Variants in PCSK2 observed in about 807,000 individuals in gnomAD.
The protein encoded by PCSK2 is proprotein convertase subtilisin/kexin type 2.
PCSK2 carries 14 observed loss-of-function variants against 69.7 expected under a neutral mutation model. The ratio of observed to expected loss-of-function variants is 0.20; its 90% CI spans 0.13 to 0.31. PCSK2 has a LOEUF of 0.31. PCSK2 is among the 10% of genes least tolerant of loss of function. PCSK2 has a pLI of 1.00. For synonymous variants in PCSK2, 307 were observed against 320.7 expected (o/e 0.96, Z 0.46); for missense variants, 544 against 842.5 (o/e 0.65, Z 4.39).
chr20:17,264,768 T>C (rs1987527487), intron 2 of PCSK2, among the ~76,000 whole-genome samples: 1 of 152,186 alleles, frequency 6.6e-6, no homozygotes, highest in Non-Finnish European at 1.5e-5. Flanking sequence ...CTTTCAATTA[T>C]AGTAGTTAAT....
At chr20:17,248,120 C>T (rs1470196603) in intron 1 of PCSK2, among the ~76,000 whole-genome samples, 1 of 151,346 alleles carries the variant, frequency 6.6e-6, no homozygotes, top group Non-Finnish European at 1.5e-5. Flanking sequence ...TTTCTCCTTC[C>T]TTCTGGAACC....
chr20:17,409,589 G>T (rs1273779919), intron 6 of PCSK2, among the ~76,000 whole-genome samples: 1 of 152,168 alleles, frequency 6.6e-6, no homozygotes, highest in African/African-American at 2.4e-5. Flanking sequence ...CCATTAAAGA[G>T]AAAAGAAAAT....
chr20:17,372,898 T>C (rs2030814005), intron 5 of PCSK2, among the ~76,000 whole-genome samples: 1 of 152,198 alleles, frequency 6.6e-6, no homozygotes, highest in Admixed American at 6.5e-5. Flanking sequence ...TTAAAAATTT[T>C]ACACTATCAT....
intron 6 of PCSK2, among the ~76,000 whole-genome samples, chr20:17,428,084 A>G (rs2032284767): frequency 1.3e-5 from 2 of 152,220 alleles, no homozygotes; most frequent in Non-Finnish European, 1.5e-5. Context: ...TAGCAATGAA[A>G]TGTTTCTTCC....
rs73255417 is a variant in PCSK2, at chr20:17,247,991, T to C, written c.178-12249T>C. Among the ~76,000 whole-genome samples the C allele has an allele frequency of 1.3e-3, 202 of 152,228 alleles. 2 individuals are homozygous for C. Among genetic ancestry groups the C allele is most frequent in the African/African-American group, 4.6e-3 (193 of 41,544 alleles). ...AAGTGTTGCTGAGATCCATACATTTTTGTGGCATAATGAGAATTTCTAAAA... is the reference window on the plus strand; with the variant it reads ...AAGTGTTGCTGAGATCCATACATTTCTGTGGCATAATGAGAATTTCTAAAA... On this transcript the variant is annotated intron_variant, in intron 1 of 11. Coordinates refer to ENST00000262545, the MANE Select transcript of PCSK2 (RefSeq NM_002594.5).
rs148487919 is a variant in PCSK2 at position 17,427,218 on chromosome 20, G to A, written c.621-2217G>A. Among the ~76,000 whole-genome samples the A allele has an allele frequency of 1.1e-3, 162 of 152,306 alleles. 2 individuals carry two copies. Among genetic ancestry groups the A allele is most frequent in the South Asian group, 3.5e-3 (17 of 4,820 alleles). On this transcript the variant is annotated intron_variant, in intron 6 of 11. Coordinates refer to ENST00000262545, the MANE Select transcript of PCSK2 (RefSeq NM_002594.5). Reference sequence around the variant, plus strand: ...CATCTCATAGTAGGTGCTGGTAAAAGAGGTTGTTTTATTCATATTGCTGGA... The same window carrying A: ...CATCTCATAGTAGGTGCTGGTAAAAAAGGTTGTTTTATTCATATTGCTGGA...
chr20:17,243,215 A>G (rs1986648814), intron 1 of PCSK2, among the ~76,000 whole-genome samples: 1 of 152,126 alleles, frequency 6.6e-6, no homozygotes, highest in Non-Finnish European at 1.5e-5. Flanking sequence ...TTTTTATTGT[A>G]TTAGAGACAA....
chr20:17,271,227 A>G (rs1987853796), intron 2 of PCSK2, among the ~76,000 whole-genome samples: 1 of 152,116 alleles, frequency 6.6e-6, no homozygotes, highest in Non-Finnish European at 1.5e-5. Context: ...CCAATTCAAT[A>G]GTACCCTAAA....
chr20:17,299,337 C>T (rs545219480), intron 2 of PCSK2, among the ~76,000 whole-genome samples: 5 of 152,224 alleles, frequency 3.3e-5, no homozygotes, highest in African/African-American at 1.2e-4. Context: ...AACACAAGGG[C>T]CTGTTTCTGC....
intron 8 of PCSK2, 103 bp downstream of exon 8, chr20:17,436,986 T>C (rs11087205): frequency 0.58 from 570,732 of 987,416 alleles, 168,819 homozygotes; most frequent in South Asian, 0.7. Flanking sequence ...TGTGTGTGAG[T>C]CCAGGTCCTG....
At chr20:17,327,509 G>A (rs1043855972) in intron 2 of PCSK2, among the ~76,000 whole-genome samples, 1 of 151,998 alleles carries the variant, frequency 6.6e-6, no homozygotes, top group East Asian at 1.9e-4. Context: ...GCCCTACCCC[G>A]ACCCCCACCC....
chr20:17,296,986 C>T (rs953577447), intron 2 of PCSK2, among the ~76,000 whole-genome samples: 4 of 151,980 alleles, frequency 2.6e-5, no homozygotes, highest in Non-Finnish European at 5.9e-5. Context: ...TCAGAGTGGC[C>T]CCTTTATATA....
At chr20:17,437,271 C>T (rs142699857) in intron 8 of PCSK2, among the ~76,000 whole-genome samples, 1,636 of 152,304 alleles carry the variant, frequency 0.011, 9 homozygotes, top group Middle Eastern at 0.02. Context: ...TGGGTCTCGG[C>T]GCACACAGGG....
At chr20:17,232,746 C>A (rs1986186811) in intron 1 of PCSK2, among the ~76,000 whole-genome samples, 1 of 152,116 alleles carries the variant, frequency 6.6e-6, no homozygotes, top group South Asian at 2.1e-4. Flanking sequence ...TTTCCACATC[C>A]CCTATCCCAA....
chr20:17,389,357 G>A (rs1340259692), intron 5 of PCSK2, among the ~76,000 whole-genome samples: 1 of 152,114 alleles, frequency 6.6e-6, no homozygotes, highest in East Asian at 1.9e-4. Flanking sequence ...GGATACAGGG[G>A]ATATGCCCTT....
intron 2 of PCSK2, among the ~76,000 whole-genome samples, chr20:17,351,165 G>T: frequency 6.6e-6 from 1 of 152,136 alleles, no homozygotes; most frequent in South Asian, 2.1e-4. Context: ...AGAGAGACTA[G>T]AGGTGGGTAA....
chr20:17,411,852 A>G (rs2031882051), intron 6 of PCSK2, among the ~76,000 whole-genome samples: 1 of 152,230 alleles, frequency 6.6e-6, no homozygotes, highest in African/African-American at 2.4e-5. Context: ...GCTGTTCTGC[A>G]ATATTTGCTG....
intron 2 of PCSK2, among the ~76,000 whole-genome samples, chr20:17,300,455 G>A (rs1242518012): frequency 6.6e-6 from 1 of 152,178 alleles, no homozygotes; most frequent in Non-Finnish European, 1.5e-5. Flanking sequence ...CATGAAATAT[G>A]GAAGAAATGC....
At chr20:17,249,527 G>T (rs1319092334) in intron 1 of PCSK2, among the ~76,000 whole-genome samples, 2 of 141,612 alleles carry the variant, frequency 1.4e-5, no homozygotes, top group African/African-American at 5.2e-5. Flanking sequence ...AAAAAAAGTT[G>T]CATAAATAGC....
Sources: gnomAD v4.1 joint callset for allele counts (sites outside exome capture counted in the v4.1 genomes callset) on GRCh38, gnomAD v4.1.1 for gene constraint, MANE v1.5 for transcripts, NCBI Gene and HGNC (gene_info 2026-07-23, HGNC 2026-07-21) for gene names.